The following MYO10 variants were observed in gnomAD, a reference collection of about 807,000 sequenced individuals.
MYO10 encodes myosin X.
MYO10 carries 133 observed loss-of-function variants against 257.3 expected under a neutral mutation model. The ratio of observed to expected loss-of-function variants is 0.52; its 90% CI spans 0.45 to 0.60. The LOEUF is 0.60. Ranked by LOEUF, MYO10 falls within the 20% of genes least tolerant of loss-of-function variation. The probability of loss-of-function intolerance (pLI) is 0.00; values close to 1 mark genes in which losing one functional copy is unlikely to be tolerated. For synonymous variants in MYO10, 1,104 were observed against 1,028.6 expected (o/e 1.07, Z -1.40); for missense variants, 2,399 against 2,635.7 (o/e 0.91, Z 1.97).
rs77254948 is a variant in MYO10, at chr5:16,762,295, T to C, written c.1588-182A>G. Reference sequence around the variant, plus strand: ...TTATAAAAACCATGTTAACTCTCGATTGTGTCATTATAATAGATTAACAAT... The same window carrying C: ...TTATAAAAACCATGTTAACTCTCGACTGTGTCATTATAATAGATTAACAAT... On this transcript the variant is annotated intron_variant, in intron 15 of 40. Transcript: ENST00000513610. Among the ~76,000 whole-genome samples the C allele has an allele frequency of 5.8e-3, 886 of 152,270 alleles. 11 individuals are homozygous for C. The highest frequency in any genetic ancestry group is 0.02 in the African/African-American group (843 of 41,546).
chr5:16,891,707 C>A (rs253478), intron 1 of MYO10, among the ~76,000 whole-genome samples: 22 of 152,006 alleles, frequency 1.4e-4, no homozygotes, highest in Non-Finnish European at 2.5e-4. Context: ...CACCTGACCT[C>A]ATTCACTCCC....
At chr5:16,757,288 TCACACACACACAAACACACACACACACG>T (rs1740557970) in intron 18 of MYO10, among the ~76,000 whole-genome samples, 1 of 118,896 alleles carries the variant, frequency 8.4e-6, no homozygotes, top group Non-Finnish European at 1.7e-5. Context: ...AGACCCTGTC[TCACACACACACAAACACACACACACACG>T]CACACACACA....
chr5:16,867,427 T>A (rs1744310688), intron 2 of MYO10, among the ~76,000 whole-genome samples: 1 of 151,264 alleles, frequency 6.6e-6, no homozygotes, highest in Admixed American at 6.6e-5. Flanking sequence ...GTCGCCTACA[T>A]CCACAAGGCA....
chr5:16,702,845 T>A, intron 23 of MYO10, 80 bp downstream of exon 23: 1 of 1,306,174 alleles, frequency 7.7e-7, no homozygotes, highest in Non-Finnish European at 1.1e-6. Context: ...CTGCTGGGAT[T>A]TCTGGCTGCA....
intron 2 of MYO10, among the ~76,000 whole-genome samples, chr5:16,834,477 G>C (rs1017550855): frequency 1.3e-5 from 2 of 152,116 alleles, no homozygotes; most frequent in Non-Finnish European, 2.9e-5. Context: ...TGGGGACCAG[G>C]ACTTGTCTCA....
intron 1 of MYO10, among the ~76,000 whole-genome samples, chr5:16,927,634 G>A (rs960535214): frequency 5.3e-5 from 8 of 152,098 alleles, no homozygotes; most frequent in East Asian, 1.9e-4. Flanking sequence ...TTTAACTGCC[G>A]TAATTTAAAA....
Position 16,828,082 on chromosome 5 carries a change from C to T in MYO10, c.121-9915G>A, listed in dbSNP as rs138224448. Among the ~76,000 whole-genome samples, 33 of 152,264 alleles carry T rather than the reference C, an allele frequency of 2.2e-4. 1 individual carries two copies. In the East Asian group the frequency reaches 4.4e-3, roughly 20 times the overall value. ...TATGAGTCCCTGGGCACATTCCTCA[C>T]CCTGAATTGATGTTCGAATGTATAC... On this transcript the variant is annotated intron_variant, in intron 2 of 40. Transcript: ENST00000513610.
intron 4 of MYO10, among the ~76,000 whole-genome samples, chr5:16,784,339 G>A (rs1037163417): frequency 6.6e-6 from 1 of 152,198 alleles, no homozygotes; most frequent in African/African-American, 2.4e-5. Flanking sequence ...GGAGGGTGGT[G>A]ATGACCTCAT....
chr5:16,884,337 G>A (rs893057012), intron 1 of MYO10, among the ~76,000 whole-genome samples: 6 of 152,192 alleles, frequency 3.9e-5, no homozygotes, highest in African/African-American at 1.4e-4. Flanking sequence ...AAAGGGTACT[G>A]TGAGCCATGA....
chr5:16,902,239 C>A (rs74544852), intron 1 of MYO10: 97,266 of 723,728 alleles, frequency 0.13, 8,207 homozygotes, highest in East Asian at 0.34. Context: ...GTACAATTTC[C>A]ATTTTATTTT....
intron 17 of MYO10, among the ~76,000 whole-genome samples, chr5:16,760,154 A>G (rs992861798): frequency 1.3e-5 from 2 of 151,998 alleles, no homozygotes; most frequent in Non-Finnish European, 2.9e-5. Flanking sequence ...AAAGCCTCCT[A>G]AAAATAGTAC....
At chr5:16,683,249 C>T (rs558916660) in intron 30 of MYO10, among the ~76,000 whole-genome samples, 10 of 152,234 alleles carry the variant, frequency 6.6e-5, no homozygotes, top group Middle Eastern at 3.4e-3. Context: ...TTCTCTGGTC[C>T]GTCCTAGAGA....
At chr5:16,866,883 C>G (rs1345128294) in intron 2 of MYO10, among the ~76,000 whole-genome samples, 1 of 152,170 alleles carries the variant, frequency 6.6e-6, no homozygotes, top group African/African-American at 2.4e-5. Context: ...CTGGTCTCCA[C>G]CCACAGCCGC....
chr5:16,712,649 ATAAAT>A (rs895492202), intron 19 of MYO10, among the ~76,000 whole-genome samples: 76 of 152,378 alleles, frequency 5.0e-4, no homozygotes, highest in African/African-American at 1.8e-3. Flanking sequence ...TGGCAAAAAA[ATAAAT>A]TTAAAGAATG....
intron 3 of MYO10, among the ~76,000 whole-genome samples, chr5:16,804,749 T>C (rs745531003): frequency 2.6e-5 from 4 of 151,946 alleles, no homozygotes; most frequent in African/African-American, 9.7e-5. Context: ...ACCCCATCTC[T>C]ACTAAAAATA....
At chr5:16,927,671 C>A (rs984494310) in intron 1 of MYO10, among the ~76,000 whole-genome samples, 4 of 152,112 alleles carry the variant, frequency 2.6e-5, no homozygotes, top group Admixed American at 6.6e-5. Context: ...CAATTTTAAT[C>A]CTTAAGAGCA....
chr5:16,773,423 A>G (rs975552403), intron 9 of MYO10, among the ~76,000 whole-genome samples: 1 of 152,190 alleles, frequency 6.6e-6, no homozygotes, highest in African/African-American at 2.4e-5. Context: ...AGTTTTCTTC[A>G]TCTATGACAA....
intron 5 of MYO10, among the ~76,000 whole-genome samples, chr5:16,782,075 C>T (rs1031190326): frequency 3.3e-5 from 5 of 152,144 alleles, no homozygotes; most frequent in Admixed American, 6.6e-5. Context: ...TTAAGGGGAC[C>T]GCAATGGCTC....
intron 1 of MYO10, among the ~76,000 whole-genome samples, chr5:16,894,960 A>C (rs991505296): frequency 2.6e-5 from 4 of 151,558 alleles, no homozygotes; most frequent in African/African-American, 9.7e-5. Flanking sequence ...TCCATAAACT[A>C]TTAACAGCTC....
Sources: gnomAD v4.1 joint callset for allele counts (sites outside exome capture counted in the v4.1 genomes callset) on GRCh38, gnomAD v4.1.1 for gene constraint, MANE v1.5 for transcripts, NCBI Gene and HGNC (gene_info 2026-07-23, HGNC 2026-07-21) for gene names.